The following TPO variants were observed in gnomAD, a reference collection of about 807,000 sequenced individuals.
TPO encodes the protein thyroid peroxidase, also known as thyroid microsomal antigen.
TPO carries 78 observed loss-of-function variants against 96.9 expected under a neutral mutation model. The observed-to-expected ratio is 0.81, with a 90% CI of 0.67 to 0.97. The LOEUF (loss-of-function observed/expected upper bound fraction) is 0.97. Ranked by LOEUF, TPO falls within the 50% of genes least tolerant of loss-of-function variation. The pLI is 0.00. For missense variants in TPO, 1,252 were observed against 1,274.8 expected (o/e 0.98, Z 0.27); for synonymous variants, 547 against 538.0 (o/e 1.02, Z -0.23).
At chr2:1,535,361 A>G (rs1573639248) in intron 15 of TPO, among the ~76,000 whole-genome samples, 1 of 12,290 alleles carries the variant, frequency 8.1e-5, no homozygotes, top group Admixed American at 1.2e-3. Context: ...AAATCCCCCC[A>G]CTGTGTGCAA....
intron 16 of TPO, chr2:1,541,099 A>G (rs1680713690): frequency 2.5e-6 from 3 of 1,201,776 alleles, no homozygotes; most frequent in Non-Finnish European, 3.2e-6. Flanking sequence ...ATCAGTGTGG[A>G]AAAATGTGTA....
At chr2:1,381,158 T>C (rs751606601) in intron 1 of TPO, among the ~76,000 whole-genome samples, 1 of 152,086 alleles carries the variant, frequency 6.6e-6, no homozygotes, top group African/African-American at 2.4e-5. Context: ...AAAGCCAGAA[T>C]TGACAAATGG....
At chr2:1,405,659 C>A (rs1453091670) in intron 1 of TPO, among the ~76,000 whole-genome samples, 4 of 152,164 alleles carry the variant, frequency 2.6e-5, no homozygotes, top group African/African-American at 9.7e-5. Flanking sequence ...ACAGATTCAC[C>A]CCCAAGATTC....
At chr2:1,440,285 C>T (rs1322473125) in intron 5 of TPO, among the ~76,000 whole-genome samples, 5 of 152,088 alleles carry the variant, frequency 3.3e-5, no homozygotes, top group Non-Finnish European at 7.3e-5. Flanking sequence ...TTCTAAATGT[C>T]GAAATGGTGG....
At chr2:1,504,136 G>C in intron 14 of TPO, 57 bp downstream of exon 14, 3 of 1,609,504 alleles carry the variant, frequency 1.9e-6, no homozygotes, top group Non-Finnish European at 2.5e-6. Flanking sequence ...GTAAAATGAA[G>C]AAAAGTGTGT....
chr2:1,401,520 T>G (rs1662172143), intron 1 of TPO, among the ~76,000 whole-genome samples: 1 of 152,028 alleles, frequency 6.6e-6, no homozygotes, highest in African/African-American at 2.4e-5. Context: ...CCAGCGAGAA[T>G]GCTGACACTA....
intron 16 of TPO, chr2:1,540,986 G>C: frequency 6.9e-7 from 1 of 1,443,884 alleles, no homozygotes; most frequent in Non-Finnish European, 9.2e-7. Flanking sequence ...TCAGGCGTTT[G>C]CTTCCACTTA....
At chr2:1,386,450 C>G (rs995292974) in intron 1 of TPO, among the ~76,000 whole-genome samples, 1 of 152,166 alleles carries the variant, frequency 6.6e-6, no homozygotes, top group Non-Finnish European at 1.5e-5. Flanking sequence ...GAATTGATCC[C>G]TTTACCATTA....
At chr2:1,480,820 A>ACCTCCCTCCTCCTGCTGCATC (rs1558339107) in intron 8 of TPO, among the ~76,000 whole-genome samples, 4 of 151,950 alleles carry the variant, frequency 2.6e-5, no homozygotes, top group Non-Finnish European at 5.9e-5. Flanking sequence ...CGTCCACACC[A>ACCTCCCTCCTCCTGCTGCATC]CGTCCCTGCT....
At chr2:1,466,876 A>G (rs1668946618) in intron 7 of TPO, among the ~76,000 whole-genome samples, 1 of 151,702 alleles carries the variant, frequency 6.6e-6, no homozygotes, top group Admixed American at 6.6e-5. Flanking sequence ...TGTTGTTTCA[A>G]TTTCATTTAG....
chr2:1,384,275 G>T (rs1014051004), intron 1 of TPO, among the ~76,000 whole-genome samples: 2 of 152,132 alleles, frequency 1.3e-5, no homozygotes, highest in Admixed American at 1.3e-4. Context: ...CATGGGGATG[G>T]CACTGAATCT....
At chr2:1,459,909 C>T (rs1668248693) in intron 7 of TPO, among the ~76,000 whole-genome samples, 1 of 151,794 alleles carries the variant, frequency 6.6e-6, no homozygotes, top group South Asian at 2.1e-4. Flanking sequence ...GCATGTGTTC[C>T]CTGCTGCATG....
intron 7 of TPO, among the ~76,000 whole-genome samples, chr2:1,475,577 C>A (rs1486172130): frequency 6.6e-6 from 1 of 152,110 alleles, no homozygotes; most frequent in African/African-American, 2.4e-5. Flanking sequence ...GTGCCCGCCA[C>A]CGCGCCCGGC....
At chr2:1,495,062 G>A (rs943327511) in intron 11 of TPO, among the ~76,000 whole-genome samples, 1 of 152,216 alleles carries the variant, frequency 6.6e-6, no homozygotes, top group African/African-American at 2.4e-5. Flanking sequence ...TGCCCCATAC[G>A]TGTGTCTCCC....
rs1286041801 is a variant in TPO at position 1,495,989 on chromosome 2, G to T, written c.2007G>T (p.Trp669Cys). 12 of 1,612,274 alleles carry T rather than the reference G, an allele frequency of 7.4e-6. No homozygotes were observed. Among genetic ancestry groups the T allele is most frequent in the Non-Finnish European group, 1.0e-5 (12 of 1,179,902 alleles). Residue 669 changes from tryptophan to cysteine, a missense_variant and splice_region_variant, in exon 12 of 17, where the codon TGG becomes TGT. Trp to Cys is a radical substitution (Grantham distance 215). Transcript: ENST00000329066. ...KQMKALRDGD[W>C]FWWENSHVFT... ...TTACTCACTGTCTCCTTCTCTGGAG[G>T]TTTTGGTGGGAGAACAGCCACGTCT...
intron 7 of TPO, among the ~76,000 whole-genome samples, chr2:1,471,372 C>T (rs914971279): frequency 1.3e-5 from 2 of 151,958 alleles, no homozygotes; most frequent in African/African-American, 2.4e-5. Flanking sequence ...ATGCTGAAAG[C>T]GAGTTGAGTT....
At position 1,527,886 on chromosome 2, in the gene TPO, C is replaced by G. The variant is rs1190090653; in HGVS notation, c.2618+10904C>G. Among the ~76,000 whole-genome samples the G allele has an allele frequency of 7.6e-5, 9 of 118,386 alleles. No individual in the cohort carries two copies. The East Asian group carries it at 3.2e-3, about 42-fold the overall frequency. The allele number at this position is 118,386 out of a possible 152,430, so 77.7% of individuals were successfully genotyped here. ...TGTGTTCAACCTCCTCAAATCCCCC[C>G]ACTGCGTGCAACCTCCTCAAATCCC... On this transcript the variant is annotated intron_variant, in intron 15 of 16. Coordinates refer to ENST00000329066, the MANE Select transcript of TPO (RefSeq NM_001206744.2).
chr2:1,487,893 A>G lies in TPO; in HGVS notation c.1670A>G (p.Asn557Ser), dbSNP rs778955865. The G allele has an allele frequency of 1.2e-6, 2 of 1,614,212 alleles. No individual in the cohort carries two copies. Among genetic ancestry groups the G allele is most frequent in the Admixed American group, 3.3e-5 (2 of 60,022 alleles). The change falls in exon 10 of 17, where the codon AAC (asparagine) becomes AGC (serine). Residue 557 changes from asparagine (N) to serine (S), a missense_variant. By Grantham distance (46) the Asn-to-Ser change is conservative. Coordinates refer to ENST00000329066, the MANE Select transcript of TPO (RefSeq NM_001206744.2). ...CTGCAGGTGCAGGATCAGCTGATGA[A>G]CGAGGAGCTGACGGAAAGGCTCTTT... ...AKLQVQDQLM[N>S]EELTERLFVL...
chr2:1,414,800 G>A (rs1017803797), intron 2 of TPO, among the ~76,000 whole-genome samples: 6 of 152,060 alleles, frequency 3.9e-5, no homozygotes, highest in African/African-American at 1.4e-4. Context: ...CTTTGCTACA[G>A]AATTATTTTT....
Sources: gnomAD v4.1 joint callset for allele counts (sites outside exome capture counted in the v4.1 genomes callset) on GRCh38, gnomAD v4.1.1 for gene constraint, MANE v1.5 for transcripts, NCBI Gene and HGNC (gene_info 2026-07-23, HGNC 2026-07-21) for gene names.